The following PCDH7 variants were observed in gnomAD, a reference collection of about 807,000 sequenced individuals.
PCDH7 encodes protocadherin 7.
PCDH7 carries 17 observed loss-of-function variants against 58.9 expected under a neutral mutation model. That is an observed-to-expected ratio of 0.29 (90% CI 0.20 to 0.43). The LOEUF is 0.43. Ranked by LOEUF, PCDH7 falls within the 20% of genes least tolerant of loss-of-function variation. The probability of loss-of-function intolerance (pLI) is 1.00; values close to 1 mark genes in which losing one functional copy is unlikely to be tolerated. For missense variants in PCDH7, 1,274 were observed against 1,441.0 expected (o/e 0.88, Z 1.88); for synonymous variants, 664 against 616.4 (o/e 1.08, Z -1.14).
intron 1 of PCDH7, among the ~76,000 whole-genome samples, chr4:30,875,644 G>A (rs1035391295): frequency 6.6e-6 from 1 of 152,094 alleles, no homozygotes; most frequent in Non-Finnish European, 1.5e-5. Context: ...TAAATAGACT[G>A]AAAGCTTCTC....
chr4:30,867,571 G>C (rs1265595241), intron 1 of PCDH7, among the ~76,000 whole-genome samples: 1 of 151,972 alleles, frequency 6.6e-6, no homozygotes, highest in Admixed American at 6.6e-5. Flanking sequence ...GCTCCTTGGG[G>C]GAAAGGAAGG....
intron 3 of PCDH7, among the ~76,000 whole-genome samples, chr4:31,107,878 G>A (rs1044685381): frequency 1.3e-5 from 2 of 152,064 alleles, no homozygotes; most frequent in Admixed American, 6.5e-5. Flanking sequence ...GGATATTTAT[G>A]ATTAGATATA....
chr4:30,985,205 C>T (rs1030052685), intron 3 of PCDH7, among the ~76,000 whole-genome samples: 3 of 152,172 alleles, frequency 2.0e-5, no homozygotes, highest in African/African-American at 7.2e-5. Context: ...GATCTGCCCA[C>T]CTTGGTCTCC....
intron 3 of PCDH7, among the ~76,000 whole-genome samples, chr4:30,968,965 TGTAACAGCTTCA>T (rs1749296568): frequency 6.6e-6 from 1 of 152,196 alleles, no homozygotes; most frequent in African/African-American, 2.4e-5. Flanking sequence ...TATGAACTTA[TGTAACAGCTTCA>T]GGATCCTGCA....
At chr4:30,959,866 T>C (rs1578417121) in intron 3 of PCDH7, among the ~76,000 whole-genome samples, 1 of 152,094 alleles carries the variant, frequency 6.6e-6, no homozygotes, top group African/African-American at 2.4e-5. Context: ...CCATTTTATT[T>C]AGCACAAGTC....
intron 1 of PCDH7, among the ~76,000 whole-genome samples, chr4:30,914,051 G>A (rs1439137656): frequency 6.6e-6 from 1 of 152,070 alleles, no homozygotes; most frequent in African/African-American, 2.4e-5. Context: ...CCATGTTCAG[G>A]CCTCCCAACA....
chr4:30,986,256 T>A (rs145771439), intron 3 of PCDH7, among the ~76,000 whole-genome samples: 153 of 152,250 alleles, frequency 1.0e-3, no homozygotes, highest in African/African-American at 3.6e-3. Flanking sequence ...TACTAAATGA[T>A]AACTGCTGAT....
chr4:30,799,389 A>G (rs1223755094), intron 1 of PCDH7, among the ~76,000 whole-genome samples: 1 of 152,244 alleles, frequency 6.6e-6, no homozygotes, highest in Non-Finnish European at 1.5e-5. Context: ...TGTTGAAGCC[A>G]TTCTTAATAT....
chr4:30,964,255 T>TTA (rs1560538426), intron 3 of PCDH7, among the ~76,000 whole-genome samples: 6 of 150,980 alleles, frequency 4.0e-5, no homozygotes, highest in South Asian at 2.1e-4. Context: ...TATTTATTTT[T>TTA]TTTTGAGATG....
intron 3 of PCDH7, among the ~76,000 whole-genome samples, chr4:31,043,841 G>A (rs1349370015): frequency 6.6e-6 from 1 of 152,068 alleles, no homozygotes; most frequent in African/African-American, 2.4e-5. Context: ...GGAGGATGAG[G>A]CTGAGCAGTT....
At chr4:30,887,991 T>C (rs1738059956) in intron 1 of PCDH7, among the ~76,000 whole-genome samples, 1 of 151,980 alleles carries the variant, frequency 6.6e-6, no homozygotes, top group Admixed American at 6.6e-5. Flanking sequence ...TTCTTCTGCC[T>C]CAGCCTCCCG....
chr4:31,009,434 C>G (rs1282139699), intron 3 of PCDH7, among the ~76,000 whole-genome samples: 1 of 151,802 alleles, frequency 6.6e-6, no homozygotes, highest in East Asian at 1.9e-4. Context: ...CACACAGAGA[C>G]GCATTATATA....
intron 3 of PCDH7, among the ~76,000 whole-genome samples, chr4:31,085,686 C>T (rs1338176900): frequency 6.6e-6 from 1 of 152,110 alleles, no homozygotes; most frequent in Non-Finnish European, 1.5e-5. Flanking sequence ...GGACAAATAT[C>T]TAAACCATCT....
At chr4:31,115,185 G>A (rs1354767350) in intron 3 of PCDH7, among the ~76,000 whole-genome samples, 2 of 152,178 alleles carry the variant, frequency 1.3e-5, no homozygotes, top group African/African-American at 4.8e-5. Flanking sequence ...AAGTTGTCAT[G>A]TTTAGCTTGA....
intron 3 of PCDH7, among the ~76,000 whole-genome samples, chr4:31,071,422 G>A (rs540149458): frequency 7.7e-4 from 117 of 152,106 alleles, no homozygotes; most frequent in Admixed American, 2.3e-3. Flanking sequence ...GAAATGTTGT[G>A]TGCTTTTTTT....
intron 1 of PCDH7, among the ~76,000 whole-genome samples, chr4:30,873,663 G>T (rs1263985126): frequency 6.6e-6 from 1 of 151,898 alleles, no homozygotes; most frequent in East Asian, 1.9e-4. Flanking sequence ...ATGAGATTCA[G>T]GTCAAAACTG....
chr4:31,052,453 G>C (rs959147451), intron 3 of PCDH7, among the ~76,000 whole-genome samples: 1 of 152,044 alleles, frequency 6.6e-6, no homozygotes, highest in Non-Finnish European at 1.5e-5. Flanking sequence ...ATTGAGAGGT[G>C]GTAGATTAAA....
At chr4:30,813,991 T>A (rs1727340819) in intron 1 of PCDH7, among the ~76,000 whole-genome samples, 1 of 152,190 alleles carries the variant, frequency 6.6e-6, no homozygotes, top group Non-Finnish European at 1.5e-5. Flanking sequence ...ATAATATGCC[T>A]AGTTTTATCT....
chr4:30,834,350 T>A (rs1417629869), intron 1 of PCDH7, among the ~76,000 whole-genome samples: 1 of 152,164 alleles, frequency 6.6e-6, no homozygotes, highest in East Asian at 1.9e-4. Context: ...CTCCTGCTCA[T>A]CACGATAAAG....
Sources: allele counts gnomAD v4.1 joint callset (sites outside exome capture counted in the v4.1 genomes callset), GRCh38; gene constraint gnomAD v4.1.1; transcripts MANE v1.5; gene names NCBI Gene and HGNC (gene_info 2026-07-23, HGNC 2026-07-21).